The following LRRFIP1 variants were observed in gnomAD, a reference collection of about 807,000 sequenced individuals.
The protein encoded by LRRFIP1 is LRR binding FLII interacting protein 1, also known as leucine-rich repeat flightless-interacting protein 1.
A neutral mutation model predicts 104.4 loss-of-function variants in LRRFIP1; 62 were observed. The observed-to-expected ratio is 0.59, with a 90% CI of 0.48 to 0.73. LRRFIP1 has a LOEUF of 0.73. Ranked by LOEUF, LRRFIP1 falls within the 30% of genes least tolerant of loss-of-function variation. LRRFIP1 has a pLI of 0.00. For synonymous variants in LRRFIP1, 300 were observed against 299.0 expected (o/e 1.00, Z -0.03); for missense variants, 796 against 824.5 (o/e 0.97, Z 0.42).
chr2:237,722,949 T>A (rs1391036760), intron 6 of LRRFIP1, among the ~76,000 whole-genome samples: 1 of 152,184 alleles, frequency 6.6e-6, no homozygotes, highest in Non-Finnish European at 1.5e-5. Context: ...CGGGGCCAGT[T>A]TCTACTGTTT....
intron 3 of LRRFIP1, among the ~76,000 whole-genome samples, chr2:237,714,885 G>T (rs1434466550): frequency 6.6e-6 from 1 of 152,208 alleles, no homozygotes; most frequent in Non-Finnish European, 1.5e-5. Flanking sequence ...TCAAGATCTA[G>T]CAAAAATGAA....
At chr2:237,740,650 G>T (rs1453310326) in intron 11 of LRRFIP1, among the ~76,000 whole-genome samples, 1 of 152,078 alleles carries the variant, frequency 6.6e-6, no homozygotes, top group East Asian at 1.9e-4. Context: ...TAAATTAGAT[G>T]CAGTCTTTTA....
intron 19 of LRRFIP1, among the ~76,000 whole-genome samples, chr2:237,767,931 C>T (rs767713068): frequency 1.3e-5 from 2 of 152,146 alleles, no homozygotes; most frequent in Non-Finnish European, 2.9e-5. Flanking sequence ...GATAGTTGTA[C>T]GTGGAGAAAA....
At chr2:237,752,561 T>C (rs1421480291) in intron 14 of LRRFIP1, among the ~76,000 whole-genome samples, 1 of 152,222 alleles carries the variant, frequency 6.6e-6, no homozygotes, top group African/African-American at 2.4e-5. Context: ...TGGCAGCTCT[T>C]GCCGCTGCCT....
At chr2:237,668,721 G>A (rs1371316120) in intron 1 of LRRFIP1, among the ~76,000 whole-genome samples, 3 of 152,106 alleles carry the variant, frequency 2.0e-5, no homozygotes, top group Non-Finnish European at 2.9e-5. Flanking sequence ...TTTTCCTGAG[G>A]TTTAGCTTAC....
At chr2:237,740,495 A>G (rs2150461837) in intron 11 of LRRFIP1, among the ~76,000 whole-genome samples, 1 of 152,166 alleles carries the variant, frequency 6.6e-6, no homozygotes, top group East Asian at 1.9e-4. Context: ...ACTGAACACC[A>G]TACTTCAGCG....
At chr2:237,716,699 A>G (rs2094343486) in intron 3 of LRRFIP1, among the ~76,000 whole-genome samples, 1 of 152,252 alleles carries the variant, frequency 6.6e-6, no homozygotes, top group African/African-American at 2.4e-5. Flanking sequence ...CTGTGTTATA[A>G]TGATACGGAA....
intron 18 of LRRFIP1, 107 bp from the exon 19 acceptor site, chr2:237,759,957 C>T: frequency 5.1e-6 from 5 of 972,428 alleles, no homozygotes; most frequent in Non-Finnish European, 7.8e-6. Context: ...TGTGGAGTTA[C>T]CCTGTACTTC....
At chr2:237,683,786 G>A (rs1054345245) in intron 1 of LRRFIP1, among the ~76,000 whole-genome samples, 3 of 152,226 alleles carry the variant, frequency 2.0e-5, no homozygotes, top group Admixed American at 6.5e-5. Flanking sequence ...GATGCTCACC[G>A]TTCCTGATGT....
intron 11 of LRRFIP1, among the ~76,000 whole-genome samples, chr2:237,741,321 G>A (rs2095408821): frequency 6.6e-6 from 1 of 152,220 alleles, no homozygotes; most frequent in Admixed American, 6.5e-5. Context: ...TTGTGAACAA[G>A]GAATTTCAGA....
At chr2:237,651,728 T>C (rs2085969367) in intron 1 of LRRFIP1, among the ~76,000 whole-genome samples, 1 of 152,264 alleles carries the variant, frequency 6.6e-6, no homozygotes, top group African/African-American at 2.4e-5. Context: ...TTAGCCACAT[T>C]TTTAAAAAGC....
intron 19 of LRRFIP1, 81 bp from the exon 20 acceptor site, chr2:237,769,862 C>T (rs1047659362): frequency 4.5e-5 from 45 of 1,007,898 alleles, no homozygotes; most frequent in Non-Finnish European, 6.2e-5. Context: ...CTAACCTGAA[C>T]GATCATTCTT....
chr2:237,692,420 A>G (rs1575526467), intron 1 of LRRFIP1: 3 of 1,484,758 alleles, frequency 2.0e-6, no homozygotes, highest in Non-Finnish European at 2.7e-6. Flanking sequence ...GTCCCCGAGC[A>G]TTTCCCGCCG....
At chr2:237,650,297 A>G (rs1036257716) in intron 1 of LRRFIP1, among the ~76,000 whole-genome samples, 8 of 151,842 alleles carry the variant, frequency 5.3e-5, no homozygotes, top group Non-Finnish European at 1.0e-4. Flanking sequence ...GTTGTGGCTG[A>G]GCAGAGAGAT....
intron 1 of LRRFIP1, among the ~76,000 whole-genome samples, chr2:237,640,304 G>A (rs1253797097): frequency 2.6e-5 from 4 of 152,032 alleles, no homozygotes; most frequent in African/African-American, 9.7e-5. Context: ...CAGTGGGGCT[G>A]GGGACCGTCT....
At chr2:237,676,555 G>C (rs1038743150) in intron 1 of LRRFIP1, among the ~76,000 whole-genome samples, 18 of 152,182 alleles carry the variant, frequency 1.2e-4, no homozygotes, top group African/African-American at 4.3e-4. Flanking sequence ...ACACAGGCTG[G>C]AGTTCAGTGA....
chr2:237,648,733 C>T (rs1296714309), intron 1 of LRRFIP1, among the ~76,000 whole-genome samples: 1 of 150,364 alleles, frequency 6.7e-6, no homozygotes, highest in Non-Finnish European at 1.5e-5. Flanking sequence ...GCCCGAGCAG[C>T]CCAGACCCAG....
intron 1 of LRRFIP1, among the ~76,000 whole-genome samples, chr2:237,697,983 G>GT (rs1173033914): frequency 1.3e-5 from 2 of 152,220 alleles, no homozygotes; most frequent in Non-Finnish European, 2.9e-5. Flanking sequence ...ACTGTATAGC[G>GT]TATTTATTTC....
chr2:237,664,894 G>A (rs2088886724), intron 1 of LRRFIP1, among the ~76,000 whole-genome samples: 1 of 152,054 alleles, frequency 6.6e-6, no homozygotes, highest in Non-Finnish European at 1.5e-5. Flanking sequence ...TCTTAATCTC[G>A]TGTTCCATTA....
Sources: allele counts gnomAD v4.1 joint callset (sites outside exome capture counted in the v4.1 genomes callset), GRCh38; gene constraint gnomAD v4.1.1; transcripts MANE v1.5; gene names NCBI Gene and HGNC (gene_info 2026-07-23, HGNC 2026-07-21).